Variants in SPTBN1 observed in about 807,000 individuals in gnomAD.
The protein encoded by SPTBN1 is spectrin beta chain, non-erythrocytic 1.
In SPTBN1, 32 loss-of-function variants were observed where a neutral mutation model predicts 266.4. The ratio of observed to expected loss-of-function variants is 0.12; its 90% CI spans 0.09 to 0.16. The LOEUF (loss-of-function observed/expected upper bound fraction) is 0.16. Among genes scored for constraint, SPTBN1 ranks in the 10% least tolerant of loss-of-function variants. SPTBN1 has a pLI of 1.00. For synonymous variants in SPTBN1, 1,336 were observed against 1,162.2 expected (o/e 1.15, Z -3.04); for missense variants, 2,296 against 3,067.1 (o/e 0.75, Z 5.94).
chr2:54,558,281 T>G lies in SPTBN1; in HGVS notation c.148+31715T>G. 2 of 985,422 alleles carry G rather than the reference T, an allele frequency of 2.0e-6. No homozygotes were observed. The highest frequency in any genetic ancestry group is 2.4e-6 in the Non-Finnish European group (2 of 829,990). 61.0% of individuals were successfully genotyped at this position (985,422 alleles called of 1,614,324 possible). A position where few individuals can be genotyped will look rare whatever the true frequency, so the allele number is the denominator to read the frequency against. The stretch of plus-strand genomic sequence containing the variant: ...CCGCGCCCCTCCTCGTGGTATAGCC[T>G]GCATTTCTAATACAATGCTGTTATG... On this transcript the variant is annotated intron_variant, in intron 2 of 35. Transcript: ENST00000356805. This position sits in a 1 kb window ranked among gnomAD's most constrained non-coding sequence, Gnocchi z 4.6.
intron 2 of SPTBN1, chr2:54,528,334 C>T (rs1670958608): frequency 2.0e-5 from 3 of 152,580 alleles, no homozygotes; most frequent in Non-Finnish European, 2.9e-5. Flanking sequence ...CAGAACAGTT[C>T]CTTGTTCTTT....
chr2:54,508,742 CGCT>C (rs1437979010), intron 1 of SPTBN1, among the ~76,000 whole-genome samples: 1 of 152,134 alleles, frequency 6.6e-6, no homozygotes, highest in African/African-American at 2.4e-5. Context: ...GAAGTTGGAA[CGCT>C]AGCTGCTTTT....
chr2:54,509,335 A>G (rs1318940598), intron 1 of SPTBN1, among the ~76,000 whole-genome samples: 5 of 152,222 alleles, frequency 3.3e-5, no homozygotes, highest in Non-Finnish European at 5.9e-5. Flanking sequence ...GGGAGACTCA[A>G]CAAAGAGTGA....
intron 2 of SPTBN1, among the ~76,000 whole-genome samples, chr2:54,584,955 C>T (rs533744313): frequency 6.6e-6 from 1 of 152,062 alleles, no homozygotes; most frequent in East Asian, 1.9e-4. Flanking sequence ...GGGTGGGAGG[C>T]TTGCAAGTGG....
Position 54,644,461 on chromosome 2 carries a change from G to A in SPTBN1, c.4144G>A (p.Ala1382Thr). 6.2e-7 allele frequency: 1 copy of A among 1,614,204 alleles called. No individual in the cohort carries two copies. The highest frequency in any genetic ancestry group is 8.5e-7 in the Non-Finnish European group (1 of 1,180,036). ...CCAGCGGCTCTTTGATGCAAACAAG[G>A]CCGAACTTTTCACCCAGAGCTGTGC... is the stretch of plus-strand genomic sequence containing the variant. ...KAQRLFDANK[A>T]ELFTQSCADL... Residue 1382 changes from alanine (A) to threonine (T), a missense_variant, in exon 20 of 36, where the codon GCC (alanine) becomes ACC (threonine). By Grantham distance (58) the Ala-to-Thr change is moderately conservative. Coordinates refer to ENST00000356805, the MANE Select transcript of SPTBN1 (RefSeq NM_003128.3).
At chr2:54,526,621 C>T in intron 2 of SPTBN1, 55 bp downstream of exon 2, 1 of 1,570,890 alleles carries the variant, frequency 6.4e-7, no homozygotes, top group Non-Finnish European at 8.6e-7. Flanking sequence ...CAGGATGCCC[C>T]TTAAAATCAT....
chr2:54,614,636 C>T (rs1290994433), intron 4 of SPTBN1, among the ~76,000 whole-genome samples: 1 of 152,016 alleles, frequency 6.6e-6, no homozygotes, highest in African/African-American at 2.4e-5. Context: ...TACCCTGCCT[C>T]TACTAAAAAT....
intron 1 of SPTBN1, among the ~76,000 whole-genome samples, chr2:54,471,410 A>AT (rs1365089609): frequency 6.6e-6 from 1 of 150,856 alleles, no homozygotes; most frequent in Non-Finnish European, 1.5e-5. Flanking sequence ...TCTGATACAT[A>AT]TTTTTTGGCT....
chr2:54,598,077 A>G (rs1050542901), intron 2 of SPTBN1, among the ~76,000 whole-genome samples: 1 of 152,210 alleles, frequency 6.6e-6, no homozygotes, highest in Non-Finnish European at 1.5e-5. Context: ...TCAGCAACCT[A>G]TGTTTAGAAC....
intron 2 of SPTBN1, among the ~76,000 whole-genome samples, chr2:54,566,435 C>G (rs12476489): frequency 0.29 from 43,447 of 151,810 alleles, 7,745 homozygotes; most frequent in Admixed American, 0.37. Context: ...TGATCCACCC[C>G]CCTTGGCCTC....
At chr2:54,476,208 G>T (rs6759618) in intron 1 of SPTBN1, among the ~76,000 whole-genome samples, 112,605 of 151,904 alleles carry the variant, frequency 0.74, 42,665 homozygotes, top group African/African-American at 0.92. Flanking sequence ...ACTCAAGGAC[G>T]GTGGACTGAT....
intron 1 of SPTBN1, among the ~76,000 whole-genome samples, chr2:54,521,773 C>T (rs147678908): frequency 2.6e-5 from 4 of 152,316 alleles, no homozygotes; most frequent in South Asian, 2.1e-4. Context: ...ATCTGGCCAC[C>T]GTGGCCTCCC....
intron 17 of SPTBN1, 117 bp downstream of exon 17, chr2:54,632,885 G>A (rs1175695966): frequency 2.7e-6 from 3 of 1,105,334 alleles, no homozygotes. Context: ...GCAGAATATG[G>A]GTGCCCAGCA....
chr2:54,480,233 C>T (rs1033538765), intron 1 of SPTBN1, among the ~76,000 whole-genome samples: 7 of 152,168 alleles, frequency 4.6e-5, no homozygotes, highest in South Asian at 2.1e-4. Context: ...GAACAGCTGG[C>T]GCTGAGATAC....
In SPTBN1 at chr2:54,629,123, G is replaced by T. The variant is rs370648370; in HGVS notation, c.1989G>T (p.Ser663=). Residue 663 remains serine (S), a synonymous_variant, in exon 14 of 36, where the codon TCG becomes TCT. Transcript: ENST00000356805. ...GGGAGAAGGAGAAGATCCTGTCCTC[G>T]GACGATTACGGGAAAGACCTGACCA... The part of the protein sequence containing the change: ...WIREKEKILS[S]DDYGKDLTSV... 1 of 1,613,628 alleles carries T rather than the reference G, an allele frequency of 6.2e-7. No individual in the cohort carries two copies. Among genetic ancestry groups the T allele is most frequent in the Non-Finnish European group, 8.5e-7 (1 of 1,179,908 alleles).
chr2:54,616,612 C>T (rs1215113575), intron 5 of SPTBN1, among the ~76,000 whole-genome samples: 2 of 152,186 alleles, frequency 1.3e-5, no homozygotes, highest in African/African-American at 4.8e-5. Flanking sequence ...TTTAAGAATA[C>T]AGTTGTAGGT....
At chr2:54,621,627 G>GGTAGGGAAATCGGCAGAAGCCT in intron 8 of SPTBN1, 115 bp downstream of exon 8, 1 of 725,128 alleles carries the variant, frequency 1.4e-6, no homozygotes, top group Non-Finnish European at 2.4e-6. Context: ...CTCTCCGGAT[G>GGTAGGGAAATCGGCAGAAGCCT]GTAGGGAAAT....
intron 2 of SPTBN1, chr2:54,529,719 A>G (rs1411865485): frequency 1.4e-6 from 1 of 710,008 alleles, no homozygotes; most frequent in South Asian, 1.4e-5. Context: ...GCCAAGGTCA[A>G]CACCCTGATG....
chr2:54,642,529 GTT>G lies in SPTBN1; in HGVS notation c.3859-437_3859-436del, dbSNP rs531997353. ...AAAAGGGGGAGGTAATAAATAAGTAGTTTTTTTTTTTTTTTTTTAATAAAAAG... is the reference window on the plus strand; with the variant it reads ...AAAAGGGGGAGGTAATAAATAAGTAGTTTTTTTTTTTTTTTTAATAAAAAG... On this transcript the variant is annotated intron_variant, in intron 18 of 35. Coordinates refer to ENST00000356805, the MANE Select transcript of SPTBN1 (RefSeq NM_003128.3). 9.3e-4 allele frequency among the ~76,000 whole-genome samples: 86 copies of G among 92,300 alleles called. 2 individuals are homozygous for G. Among genetic ancestry groups the G allele is most frequent in the African/African-American group, 2.2e-3 (65 of 29,202 alleles). The allele number at this position is 92,300 out of a possible 152,430, so 60.6% of individuals were successfully genotyped here. A position where few individuals can be genotyped will look rare whatever the true frequency, so the allele number is the denominator to read the frequency against.
Sources: allele counts gnomAD v4.1 joint callset (sites outside exome capture counted in the v4.1 genomes callset), GRCh38; gene constraint gnomAD v4.1.1; non-coding constraint Gnocchi (gnomAD v3.1); transcripts MANE v1.5; gene names NCBI Gene and HGNC (gene_info 2026-07-23, HGNC 2026-07-21).